Variants in COL4A3 observed in about 807,000 individuals in gnomAD.
The protein encoded by COL4A3 is collagen alpha-3(IV) chain.
COL4A3 carries 135 observed loss-of-function variants against 217.4 expected under a neutral mutation model. The observed-to-expected ratio is 0.62, with a 90% CI of 0.54 to 0.72. The LOEUF is 0.72. COL4A3 is among the 30% of genes least tolerant of loss of function. The probability of loss-of-function intolerance (pLI) is 0.00; values close to 1 mark genes in which losing one functional copy is unlikely to be tolerated. For missense variants in COL4A3, 1,868 were observed against 2,119.9 expected (o/e 0.88, Z 2.33); for synonymous variants, 690 against 736.3 (o/e 0.94, Z 1.02).
At chr2:227,220,357 A>G (rs1298965556) in intron 1 of COL4A3, among the ~76,000 whole-genome samples, 1 of 151,362 alleles carries the variant, frequency 6.6e-6, no homozygotes, top group Non-Finnish European at 1.5e-5. Flanking sequence ...TAATTTTTGT[A>G]ATTTTATTAG....
chr2:227,210,116 A>T (rs995180802), intron 1 of COL4A3, among the ~76,000 whole-genome samples: 1 of 152,234 alleles, frequency 6.6e-6, no homozygotes, highest in East Asian at 1.9e-4. Flanking sequence ...GTTATTTATG[A>T]GTTTACCTTT....
chr2:227,218,728 TGG>T (rs1195119466), intron 1 of COL4A3, among the ~76,000 whole-genome samples: 1 of 152,096 alleles, frequency 6.6e-6, no homozygotes, highest in Admixed American at 6.6e-5. Context: ...TTAGGAAAGG[TGG>T]AAATAGAATC....
In COL4A3 at chr2:227,250,620, A is replaced by G. The variant is rs1433003877; in HGVS notation, c.547-520A>G. ...TGGTGTGTGAGTAATAAATGCTAAAAGTAAAAATAATGCACGAAAGCAGGA... is the reference window on the plus strand; with the variant it reads ...TGGTGTGTGAGTAATAAATGCTAAAGGTAAAAATAATGCACGAAAGCAGGA... On this transcript the variant is annotated intron_variant, in intron 9 of 51. Coordinates refer to ENST00000396578, the MANE Select transcript of COL4A3 (RefSeq NM_000091.5). The surrounding 1 kb of genome is among the most constrained non-coding windows in gnomAD (Gnocchi z 4.1). Among the ~76,000 whole-genome samples the G allele has an allele frequency of 6.6e-6, 1 of 152,232 alleles. No individual in the cohort carries two copies. Among genetic ancestry groups the G allele is most frequent in the African/African-American group, 2.4e-5 (1 of 41,468 alleles).
chr2:227,312,080 C>A lies in COL4A3; in HGVS notation c.*210C>A, dbSNP rs575194429. 3.7e-6 allele frequency: 3 copies of A among 813,756 alleles called. No individual in the cohort carries two copies. The African/African-American group carries it at 5.2e-5, about 14-fold the overall frequency. The allele number at this position is 813,756 out of a possible 1,614,324, so 50.4% of individuals were successfully genotyped here. A position where few individuals can be genotyped will look rare whatever the true frequency, so the allele number is the denominator to read the frequency against. On this transcript the variant is annotated 3_prime_UTR_variant, in exon 52 of 52. Transcript: ENST00000396578. ...CTCTAATCTGTGCTGTTTCAAAGTT[C>A]TCTGTGGCAAAGCAGCAACTATTCA...
chr2:227,237,880 A>G, intron 1 of COL4A3, 88 bp from the exon 2 acceptor site: 1 of 943,720 alleles, frequency 1.1e-6, no homozygotes, highest in East Asian at 2.4e-5. Flanking sequence ...ATACTCGAAG[A>G]ACAGAGAAAT....
intron 48 of COL4A3, 86 bp from the exon 49 acceptor site, chr2:227,308,813 T>C: frequency 1.5e-6 from 2 of 1,373,372 alleles, no homozygotes; most frequent in Non-Finnish European, 2.1e-6. Context: ...TGCTGCAGGT[T>C]ACATTTAAAT....
intron 1 of COL4A3, among the ~76,000 whole-genome samples, chr2:227,180,438 TTTCAGAGACGGAACA>T (rs1445611458): frequency 2.0e-5 from 3 of 152,190 alleles, no homozygotes; most frequent in Non-Finnish European, 4.4e-5. Context: ...TGCTCAGGCC[TTTCAGAGACGGAACA>T]TTCAGAGCCC....
intron 1 of COL4A3, among the ~76,000 whole-genome samples, chr2:227,224,305 G>T (rs1194523609): frequency 1.3e-5 from 2 of 152,012 alleles, no homozygotes; most frequent in Non-Finnish European, 2.9e-5. Context: ...GCAGATAACT[G>T]TCAGCTCTAA....
At chr2:227,206,962 C>T (rs2067124851) in intron 1 of COL4A3, among the ~76,000 whole-genome samples, 1 of 152,182 alleles carries the variant, frequency 6.6e-6, no homozygotes, top group African/African-American at 2.4e-5. Flanking sequence ...AAAGCACTTG[C>T]ACTGCATACT....
intron 50 of COL4A3, 31 bp from the exon 51 acceptor site, chr2:227,310,745 G>A: frequency 6.2e-7 from 1 of 1,602,618 alleles, no homozygotes; most frequent in Non-Finnish European, 8.5e-7. Context: ...AATGGACAGA[G>A]TGTTTATTCA....
chr2:227,279,641 CT>C, intron 28 of COL4A3, 151 bp from the exon 29 acceptor site: 1 of 559,612 alleles, frequency 1.8e-6, no homozygotes, highest in Non-Finnish European at 3.1e-6. Flanking sequence ...TGATTTGGAA[CT>C]TTTAAAAAAT....
Position 227,232,513 on chromosome 2 carries a change from T to C in COL4A3, c.88-5455T>C, listed in dbSNP as rs565869415. ...AACAGTGTACAAGGGTCCCCTTTTC[T>C]CTACTTCCTTTCCAGCATTTGTTAT... On this transcript the variant is annotated intron_variant, in intron 1 of 51. Coordinates refer to ENST00000396578, the MANE Select transcript of COL4A3 (RefSeq NM_000091.5). Among the ~76,000 whole-genome samples the C allele has an allele frequency of 6.6e-5, 10 of 152,314 alleles. No homozygotes were observed. In the South Asian group the frequency reaches 2.1e-3, roughly 32 times the overall value.
At chr2:227,301,251 A>G (rs56411440) in intron 43 of COL4A3, among the ~76,000 whole-genome samples, 8,742 of 152,262 alleles carry the variant, frequency 0.057, 342 homozygotes, top group African/African-American at 0.098. Context: ...ACAAAAATAT[A>G]GTAGAGAGAG....
chr2:227,251,871 C>T (rs1265968786), intron 11 of COL4A3, among the ~76,000 whole-genome samples: 9 of 151,980 alleles, frequency 5.9e-5, no homozygotes. Context: ...GAGTTCGAGG[C>T]CAGCCTGGCC....
chr2:227,175,357 G>A (rs1311452660), intron 1 of COL4A3, among the ~76,000 whole-genome samples: 2 of 152,106 alleles, frequency 1.3e-5, no homozygotes, highest in African/African-American at 2.4e-5. Flanking sequence ...TGTAACCCTA[G>A]CTACTCAGAA....
intron 1 of COL4A3, among the ~76,000 whole-genome samples, chr2:227,206,223 G>A (rs12990504): frequency 0.11 from 16,001 of 151,928 alleles, 1,082 homozygotes; most frequent in Admixed American, 0.15. Context: ...ACAGGCACCC[G>A]CCACCACACC....
In COL4A3 at chr2:227,184,891, C is replaced by CTTTTT. The variant is rs34345055; in HGVS notation, c.87+20102_87+20106dup. ...TCCTTTGCATGGCTGCCTCACTGGC[C>CTTTTT]TTTTTTTTTTTTTTTTTTTTTTTTT... On this transcript the variant is annotated intron_variant, in intron 1 of 51. Coordinates refer to ENST00000396578, the MANE Select transcript of COL4A3 (RefSeq NM_000091.5). Among the ~76,000 whole-genome samples, 7 of 62,566 alleles carry CTTTTT rather than the reference C, an allele frequency of 1.1e-4. 2 individuals are homozygous for CTTTTT. Among genetic ancestry groups the CTTTTT allele is most frequent in the Non-Finnish European group, 1.8e-4 (6 of 33,950 alleles). The allele number at this position is 62,566 out of a possible 152,430, so 41.0% of individuals were successfully genotyped here.
At chr2:227,199,753 A>G (rs1357468412) in intron 1 of COL4A3, among the ~76,000 whole-genome samples, 1 of 152,226 alleles carries the variant, frequency 6.6e-6, no homozygotes, top group Non-Finnish European at 1.5e-5. Context: ...CAGAATGAAG[A>G]CAGGTTGTTG....
intron 38 of COL4A3, chr2:227,293,776 G>A (rs62279161): frequency 8.5e-5 from 40 of 471,260 alleles, no homozygotes; most frequent in Non-Finnish European, 1.7e-4. Flanking sequence ...TCAAGCTGTC[G>A]GCAGCGTTGG....
Sources: allele counts gnomAD v4.1 joint callset (sites outside exome capture counted in the v4.1 genomes callset), GRCh38; gene constraint gnomAD v4.1.1; non-coding constraint Gnocchi (gnomAD v3.1); transcripts MANE v1.5; gene names NCBI Gene and HGNC (gene_info 2026-07-23, HGNC 2026-07-21).